Variants in ARHGAP40 observed in about 807,000 individuals in gnomAD.
The protein encoded by ARHGAP40 is Rho GTPase activating protein 40.
ARHGAP40 carries 43 observed loss-of-function variants against 73.5 expected under a neutral mutation model. That is an observed-to-expected ratio of 0.58 (90% CI 0.46 to 0.75). The LOEUF is 0.75. ARHGAP40 is among the 30% of genes least tolerant of loss of function. The pLI is 0.00. For synonymous variants in ARHGAP40, 300 were observed against 352.8 expected (o/e 0.85, Z 1.68); for missense variants, 734 against 861.8 (o/e 0.85, Z 1.86).
chr20:38,631,176 A>C (rs767690999), intron 5 of ARHGAP40, among the ~76,000 whole-genome samples: 64 of 152,150 alleles, frequency 4.2e-4, no homozygotes, highest in African/African-American at 1.5e-3. Context: ...GCCAGGTGTG[A>C]TGGTGCAGGC....
chr20:38,616,151 T>C (rs1218364938), intron 1 of ARHGAP40, among the ~76,000 whole-genome samples: 2 of 152,164 alleles, frequency 1.3e-5, no homozygotes, highest in African/African-American at 4.8e-5. Context: ...ACACAGCCAC[T>C]CCCTGATGGT....
exon 2 of ARHGAP40, chr20:38,623,549 C>G (rs1343717006): frequency 3.9e-6 from 5 of 1,288,964 alleles, no homozygotes; most frequent in Non-Finnish European, 4.0e-6. Context: ...TGAAGGCCAG[C>G]TTCCAGAGGG....
chr20:38,646,016 C>G lies in ARHGAP40; in HGVS notation c.1570-31C>G, dbSNP rs1242536042. 7.8e-7 allele frequency: 1 copy of G among 1,282,206 alleles called. No individual in the cohort carries two copies. Among genetic ancestry groups the G allele is most frequent in the Admixed American group, 2.4e-5 (1 of 41,778 alleles). 79.4% of individuals were successfully genotyped at this position (1,282,206 alleles called of 1,614,324 possible). ...GCCTCTCGCCCCCAGAAGTCCTATC[C>G]CCCTGCCAAAACTTGATCCTTTCTG... On this transcript the variant is annotated intron_variant, in intron 11 of 14. Transcript: ENST00000373345. The surrounding 1 kb of genome is among the most constrained non-coding windows in gnomAD (Gnocchi z 4.5).
At position 38,631,664 on chromosome 20, in the gene ARHGAP40, A is replaced by G. The variant is rs563958456; in HGVS notation, c.783+2014A>G. On this transcript the variant is annotated intron_variant, in intron 5 of 14. Transcript: ENST00000373345. ...ATAGCCAAACCATATCATGGTGCTC[A>G]GAGAGGAGAAGTGACAGAATTGGCT... 1.1e-4 allele frequency among the ~76,000 whole-genome samples: 16 copies of G among 152,276 alleles called. No individual in the cohort carries two copies. In the East Asian group the frequency reaches 2.7e-3, roughly 26 times the overall value.
At chr20:38,633,079 C>T (rs1002084148) in intron 5 of ARHGAP40, among the ~76,000 whole-genome samples, 1 of 151,576 alleles carries the variant, frequency 6.6e-6, no homozygotes, top group Non-Finnish European at 1.5e-5. Context: ...GCAGAGATCA[C>T]GCCACTGCAC....
At chr20:38,640,450 G>A (rs139889745) in intron 9 of ARHGAP40, among the ~76,000 whole-genome samples, 1 of 152,084 alleles carries the variant, frequency 6.6e-6, no homozygotes, top group East Asian at 1.9e-4. Context: ...TCAAACTCCT[G>A]GCCTCAAGCG....
chr20:38,647,475 CCTT>C (rs913193565), intron 13 of ARHGAP40, among the ~76,000 whole-genome samples: 4 of 152,180 alleles, frequency 2.6e-5, no homozygotes, highest in Admixed American at 1.3e-4. Context: ...ACTGCAACCT[CCTT>C]CTCCCAGGTT....
At chr20:38,615,329 G>T in intron 1 of ARHGAP40, 1 of 771,676 alleles carries the variant, frequency 1.3e-6, no homozygotes, top group Non-Finnish European at 2.4e-6. Flanking sequence ...CAGGTTAATT[G>T]CCAGCCACGG....
At chr20:38,625,196 G>A (rs1169926688) in intron 2 of ARHGAP40, among the ~76,000 whole-genome samples, 2 of 152,254 alleles carry the variant, frequency 1.3e-5, no homozygotes, top group East Asian at 3.8e-4. Flanking sequence ...GGTTTCAGGA[G>A]ATGCCCTGCA....
In ARHGAP40 at chr20:38,646,796, G is replaced by T. The variant is rs1253252848; in HGVS notation, c.1711-161G>T. Among the ~76,000 whole-genome samples, 1 of 152,222 alleles carries T rather than the reference G, an allele frequency of 6.6e-6. No homozygotes were observed. The highest frequency in any genetic ancestry group is 2.4e-5 in the African/African-American group (1 of 41,458). On this transcript the variant is annotated intron_variant, in intron 12 of 14. Transcript: ENST00000373345. The surrounding 1 kb of genome is among the most constrained non-coding windows in gnomAD (Gnocchi z 4.5). ...ACACACATCTGGAATGTGTATGTCT[G>T]TGATCTGTGCCCAAGTGTCCGGTAT...
At chr20:38,606,782 GTC>G (rs1490983792) in intron 1 of ARHGAP40, among the ~76,000 whole-genome samples, 1 of 152,186 alleles carries the variant, frequency 6.6e-6, no homozygotes, top group Non-Finnish European at 1.5e-5. Flanking sequence ...TGTAGCTCAA[GTC>G]TCTGCCACTG....
intron 1 of ARHGAP40, chr20:38,615,279 T>C: frequency 2.6e-6 from 2 of 769,396 alleles, no homozygotes; most frequent in South Asian, 1.4e-5. Flanking sequence ...TCTATGTTCA[T>C]CCACTCCGGA....
intron 1 of ARHGAP40, 106 bp downstream of exon 1, chr20:38,602,185 G>A (rs534989071): frequency 2.6e-6 from 3 of 1,172,770 alleles, no homozygotes; most frequent in Non-Finnish European, 3.2e-6. Context: ...TTCCTCCATC[G>A]TACAGATGAG....
intron 1 of ARHGAP40, among the ~76,000 whole-genome samples, chr20:38,609,450 T>C (rs2088792066): frequency 6.6e-6 from 1 of 152,238 alleles, no homozygotes; most frequent in African/African-American, 2.4e-5. Flanking sequence ...TTAAGTTTAT[T>C]AATCCTTCAA....
intron 2 of ARHGAP40, among the ~76,000 whole-genome samples, chr20:38,626,298 TCTTGTC>T: frequency 6.6e-6 from 1 of 152,278 alleles, no homozygotes; most frequent in Non-Finnish European, 1.5e-5. Flanking sequence ...CAGTAAGAGC[TCTTGTC>T]CATTTCCCCC....
rs2089057045 is a variant in ARHGAP40, at chr20:38,646,894, A to G, written c.1711-63A>G. On this transcript the variant is annotated intron_variant, in intron 12 of 14. Transcript: ENST00000373345. This position sits in a 1 kb window ranked among gnomAD's most constrained non-coding sequence, Gnocchi z 4.5. ...GCCATGTATGCGTGTTTATGCATCCACGTTGGAACTCCAGGCAAGCTGACT... is the reference window on the plus strand; with the variant it reads ...GCCATGTATGCGTGTTTATGCATCCGCGTTGGAACTCCAGGCAAGCTGACT... 5 of 1,253,586 alleles carry G rather than the reference A, an allele frequency of 4.0e-6. No homozygotes were observed. Among genetic ancestry groups the G allele is most frequent in the Non-Finnish European group, 5.2e-6 (5 of 960,166 alleles). 77.7% of individuals were successfully genotyped at this position (1,253,586 alleles called of 1,614,324 possible). A position where few individuals can be genotyped will look rare whatever the true frequency, so the allele number is the denominator to read the frequency against.
intron 6 of ARHGAP40, among the ~76,000 whole-genome samples, chr20:38,635,800 A>G (rs1601146300): frequency 1.3e-5 from 2 of 152,318 alleles, no homozygotes; most frequent in Non-Finnish European, 2.9e-5. Context: ...TGTATCATTT[A>G]GTGGTTGTCA....
chr20:38,602,182 A>G, intron 1 of ARHGAP40, 103 bp downstream of exon 1: 5 of 1,168,528 alleles, frequency 4.3e-6, no homozygotes, highest in Non-Finnish European at 5.4e-6. Flanking sequence ...ATCTTCCTCC[A>G]TCGTACAGAT....
At chr20:38,640,145 T>TTCTTCC (rs1202829718) in intron 9 of ARHGAP40, among the ~76,000 whole-genome samples, 8,564 of 54,016 alleles carry the variant, frequency 0.16, 1,002 homozygotes, top group African/African-American at 0.34. Flanking sequence ...TTCTTCTTTC[T>TTCTTCC]TCTTCCTCTT....
Sources: gnomAD v4.1 joint callset for allele counts (sites outside exome capture counted in the v4.1 genomes callset) on GRCh38, gnomAD v4.1.1 for gene constraint, Gnocchi (gnomAD v3.1) non-coding constraint, MANE v1.5 for transcripts, NCBI Gene and HGNC (gene_info 2026-07-23, HGNC 2026-07-21) for gene names.